The following CFAP54 variants were observed in gnomAD, a reference collection of about 807,000 sequenced individuals.
The protein encoded by CFAP54 is cilia and flagella associated protein 54, also known as cilia- and flagella-associated protein 54.
A neutral mutation model predicts 370.4 loss-of-function variants in CFAP54; 290 were observed. The observed-to-expected ratio is 0.78, with a 90% CI of 0.71 to 0.86. The LOEUF (loss-of-function observed/expected upper bound fraction) is 0.86. Ranked by LOEUF, CFAP54 falls within the 40% of genes least tolerant of loss-of-function variation. The pLI, the probability that CFAP54 is intolerant of heterozygous loss-of-function variation, is 0.00. For missense variants in CFAP54, 3,399 were observed against 3,528.7 expected (o/e 0.96, Z 0.93); for synonymous variants, 1,206 against 1,236.5 (o/e 0.98, Z 0.52).
chr12:96,559,949 G>A (rs1024335373), intron 17 of CFAP54, among the ~76,000 whole-genome samples: 1 of 151,872 alleles, frequency 6.6e-6, no homozygotes, highest in Admixed American at 6.6e-5. Context: ...AGATCATGAA[G>A]ATTTTCTTAT....
rs541761246 is a variant in CFAP54, at chr12:96,594,419, C to A, written c.3489C>A (p.His1163Gln). ...GACTTCTTGCTCCCATAATTTATCA[C>A]AATATTGTTTTGGTACCTGTTGTAC... ...CYGLLAPIIY[H>Q]NIVLVPVVQI... Residue 1163 changes from histidine to glutamine, a missense_variant, in exon 25 of 68, where the codon CAC (histidine) becomes CAA (glutamine). Transcript: ENST00000524981. The A allele has an allele frequency of 1.3e-6, 2 of 1,533,566 alleles. No individual in the cohort carries two copies. The allele number at this position is 1,533,566 out of a possible 1,614,324, so 95.0% of individuals were successfully genotyped here.
chr12:96,652,544 G>C (rs1448815784), intron 36 of CFAP54, among the ~76,000 whole-genome samples: 1 of 152,156 alleles, frequency 6.6e-6, no homozygotes, highest in Admixed American at 6.5e-5. Context: ...ATTAAGTAAT[G>C]CTCAGTTAAC....
intron 66 of CFAP54, among the ~76,000 whole-genome samples, chr12:96,834,376 A>T (rs1392050280): frequency 6.6e-6 from 1 of 152,232 alleles, no homozygotes. Context: ...GCCCAATGGC[A>T]GGCTGCGCTT....
intron 39 of CFAP54, among the ~76,000 whole-genome samples, chr12:96,664,682 C>A (rs1369987141): frequency 1.1e-5 from 1 of 92,632 alleles, no homozygotes; most frequent in Non-Finnish European, 2.1e-5. Flanking sequence ...AATTTATATT[C>A]CTTTGGGTAT....
chr12:96,634,397 T>C (rs572373088), intron 32 of CFAP54, among the ~76,000 whole-genome samples: 174 of 152,260 alleles, frequency 1.1e-3, no homozygotes, highest in African/African-American at 4.1e-3. Context: ...ATATCCTCTT[T>C]AGTGAAATAT....
At position 96,564,525 on chromosome 12, in the gene CFAP54, AACAATCTGGAAGCACT is replaced by A. The variant is rs1337447062; in HGVS notation, c.2469_2484del (p.Gln824IlefsTer6). On this transcript the variant is annotated frameshift_variant, in exon 18 of 68. Transcript: ENST00000524981. LOFTEE classifies it high-confidence loss of function. ...TCTACCAAGGGTCCGGAAAAGTTAAAACAATCTGGAAGCACTGATTGTTTTACAGGTAATTAAAATT... is the reference window on the plus strand; with the variant it reads ...TCTACCAAGGGTCCGGAAAAGTTAAAGATTGTTTTACAGGTAATTAAAATT... 14 of 698,958 alleles carry A rather than the reference AACAATCTGGAAGCACT, an allele frequency of 2.0e-5. No individual in the cohort carries two copies. The highest frequency in any genetic ancestry group is 3.7e-5 in the Non-Finnish European group (14 of 382,994). The allele number at this position is 698,958 out of a possible 1,614,324, so 43.3% of individuals were successfully genotyped here.
intron 66 of CFAP54, among the ~76,000 whole-genome samples, chr12:96,842,493 A>C (rs1013738773): frequency 6.6e-6 from 1 of 152,204 alleles, no homozygotes; most frequent in Non-Finnish European, 1.5e-5. Context: ...TTGTCATTTC[A>C]AGAATGTTGC....
At chr12:96,601,045 A>G (rs1349870610) in intron 26 of CFAP54, among the ~76,000 whole-genome samples, 2 of 152,168 alleles carry the variant, frequency 1.3e-5, no homozygotes, top group Non-Finnish European at 2.9e-5. Context: ...GCTGCTTTTC[A>G]AAGGGAATGC....
At chr12:96,531,450 A>G (rs552271559) in intron 9 of CFAP54, among the ~76,000 whole-genome samples, 100 of 151,240 alleles carry the variant, frequency 6.6e-4, no homozygotes, top group Non-Finnish European at 1.2e-3. Flanking sequence ...TCATTTTTTC[A>G]TGTTACTTTT....
intron 28 of CFAP54, 33 bp from the exon 29 acceptor site, chr12:96,625,685 A>G: frequency 7.1e-7 from 1 of 1,417,038 alleles, no homozygotes; most frequent in Non-Finnish European, 9.5e-7. Flanking sequence ...GTTACTAAAC[A>G]GAACATACAA....
At chr12:96,572,030 G>C (rs1955923998) in intron 19 of CFAP54, among the ~76,000 whole-genome samples, 1 of 152,168 alleles carries the variant, frequency 6.6e-6, no homozygotes. Context: ...GGGGTCTAAA[G>C]TTAAAATTGA....
chr12:96,729,116 CG>C (rs1032248856), intron 50 of CFAP54, among the ~76,000 whole-genome samples: 2,255 of 152,220 alleles, frequency 0.015, 70 homozygotes, highest in African/African-American at 0.052. Context: ...TTAGGCTGCT[CG>C]GGGGTCAGGG....
chr12:96,718,735 G>A (rs1957714307), intron 49 of CFAP54, among the ~76,000 whole-genome samples: 1 of 152,118 alleles, frequency 6.6e-6, no homozygotes, highest in East Asian at 1.9e-4. Flanking sequence ...ACCTGATTAA[G>A]GTGCTTCAGA....
rs56098924 is a variant in CFAP54, at chr12:96,561,704, T to TAC, written c.2411-2722_2411-2721dup. The stretch of plus-strand genomic sequence containing the variant: ...CCTTTTAGTAGATAGAGCTAAGAAA[T>TAC]ACACACACACACACACACACACACA... On this transcript the variant is annotated intron_variant, in intron 17 of 67. Coordinates refer to ENST00000524981, the MANE Select transcript of CFAP54 (RefSeq NM_001306084.2). 7.2e-3 allele frequency among the ~76,000 whole-genome samples: 906 copies of TAC among 125,354 alleles called. 7 individuals carry two copies. The highest frequency in any genetic ancestry group is 0.018 in the African/African-American group (591 of 33,312). The allele number at this position is 125,354 out of a possible 152,430, so 82.2% of individuals were successfully genotyped here. A position where few individuals can be genotyped will look rare whatever the true frequency, so the allele number is the denominator to read the frequency against.
At chr12:96,628,082 A>G (rs978944409) in intron 30 of CFAP54, among the ~76,000 whole-genome samples, 1 of 152,256 alleles carries the variant, frequency 6.6e-6, no homozygotes, top group Admixed American at 6.5e-5. Context: ...AGGCTGTACT[A>G]TATCACGAAG....
chr12:96,512,301 TTATATATATATATATATATA>T lies in CFAP54; in HGVS notation c.740-655_740-636del, dbSNP rs1165045194. ...GATAAGGAAACCATGGGAACCAATT[TTATATATATATATATATATA>T]TATATATATATATATATATATATAT... On this transcript the variant is annotated intron_variant, in intron 4 of 67. Coordinates refer to ENST00000524981, the MANE Select transcript of CFAP54 (RefSeq NM_001306084.2). 1.9e-3 allele frequency among the ~76,000 whole-genome samples: 60 copies of T among 31,130 alleles called. 1 individual carries two copies. The South Asian group carries it at 0.03, about 16-fold the overall frequency. 20.4% of individuals were successfully genotyped at this position (31,130 alleles called of 152,430 possible).
chr12:96,567,198 C>A (rs1955872197), intron 19 of CFAP54, among the ~76,000 whole-genome samples: 1 of 152,138 alleles, frequency 6.6e-6, no homozygotes, highest in African/African-American at 2.4e-5. Context: ...CGAGAAATGT[C>A]ATAGAGTGCT....
chr12:96,628,575 G>A (rs1956570589), intron 30 of CFAP54, among the ~76,000 whole-genome samples: 1 of 152,202 alleles, frequency 6.6e-6, no homozygotes, highest in African/African-American at 2.4e-5. Flanking sequence ...GCAAGTTGTG[G>A]AGGATGGCTC....
At chr12:96,710,561 T>C (rs1240943440) in intron 48 of CFAP54, among the ~76,000 whole-genome samples, 3 of 152,126 alleles carry the variant, frequency 2.0e-5, no homozygotes, top group Admixed American at 6.5e-5. Context: ...CTCTTTAGTT[T>C]GCACATGAAA....
Sources: allele counts gnomAD v4.1 joint callset (sites outside exome capture counted in the v4.1 genomes callset), GRCh38; gene constraint gnomAD v4.1.1; transcripts MANE v1.5; gene names NCBI Gene and HGNC (gene_info 2026-07-23, HGNC 2026-07-21).